Variants in LPIN1 observed in about 807,000 individuals in gnomAD.
The protein encoded by LPIN1 is phosphatidate phosphatase LPIN1.
In LPIN1, 71 loss-of-function variants were observed where a neutral mutation model predicts 107.5. That is an observed-to-expected ratio of 0.66 (90% CI 0.55 to 0.80). The LOEUF (loss-of-function observed/expected upper bound fraction) is 0.80. Among genes scored for constraint, LPIN1 ranks in the 30% least tolerant of loss-of-function variants. LPIN1 has a pLI of 0.00. For missense variants in LPIN1, 1,043 were observed against 1,160.6 expected (o/e 0.90, Z 1.47); for synonymous variants, 445 against 452.6 (o/e 0.98, Z 0.21).
At chr2:11,716,568 T>G (rs1663755140) in intron 2 of LPIN1, among the ~76,000 whole-genome samples, 1 of 151,672 alleles carries the variant, frequency 6.6e-6, no homozygotes, top group South Asian at 2.1e-4. Context: ...CCTTCTGGAG[T>G]TCACCAAGCA....
At chr2:11,738,963 A>G (rs1446912828) in intron 1 of LPIN1, among the ~76,000 whole-genome samples, 1 of 152,326 alleles carries the variant, frequency 6.6e-6, no homozygotes, top group South Asian at 2.1e-4. Context: ...TTAGAAATAG[A>G]TCCCTAAATT....
At chr2:11,754,123 C>G (rs1188061648) in intron 1 of LPIN1, among the ~76,000 whole-genome samples, 1 of 152,092 alleles carries the variant, frequency 6.6e-6, no homozygotes, top group Non-Finnish European at 1.5e-5. Context: ...CAGGGGTGGT[C>G]ATTTAGTTGT....
chr2:11,706,941 G>A (rs931579018), intron 1 of LPIN1, among the ~76,000 whole-genome samples: 5 of 152,056 alleles, frequency 3.3e-5, no homozygotes, highest in African/African-American at 1.2e-4. Context: ...AATATCAAAA[G>A]GGCCAAAAAG....
chr2:11,717,446 GC>G (rs1370171839), intron 2 of LPIN1, among the ~76,000 whole-genome samples: 1 of 151,914 alleles, frequency 6.6e-6, no homozygotes, highest in Middle Eastern at 3.2e-3. Flanking sequence ...GGTTATATTT[GC>G]CTCTCTTTTT....
At chr2:11,804,749 A>C (rs1230906414) in intron 16 of LPIN1, among the ~76,000 whole-genome samples, 178 bp downstream of exon 16, 2 of 152,034 alleles carry the variant, frequency 1.3e-5, no homozygotes, top group African/African-American at 4.8e-5. Flanking sequence ...TTTAGGGCTT[A>C]GTTGTTTCCT....
intron 18 of LPIN1, 49 bp from the exon 19 acceptor site, chr2:11,819,435 A>G: frequency 8.3e-7 from 1 of 1,206,300 alleles, no homozygotes; most frequent in East Asian, 2.3e-5. Context: ...GTTTGATGCT[A>G]AAGGAAGCTT....
chr2:11,788,013 T>C (rs1184667945), intron 11 of LPIN1, among the ~76,000 whole-genome samples: 1 of 152,150 alleles, frequency 6.6e-6, no homozygotes, highest in African/African-American at 2.4e-5. Context: ...TTGCAGACTG[T>C]TAGCAAGCTT....
At chr2:11,717,734 A>AT (rs1663849440) in intron 2 of LPIN1, among the ~76,000 whole-genome samples, 1 of 151,866 alleles carries the variant, frequency 6.6e-6, no homozygotes, top group Admixed American at 6.6e-5. Context: ...ATAATAACTC[A>AT]TTTATTCCTC....
intron 1 of LPIN1, among the ~76,000 whole-genome samples, chr2:11,689,081 G>A (rs11681590): frequency 0.27 from 41,421 of 152,142 alleles, 6,272 homozygotes; most frequent in Middle Eastern, 0.37. Context: ...TGGATAATTC[G>A]AAGTGCTTCG....
chr2:11,782,527 C>T lies in LPIN1; in HGVS notation c.1264+20C>T. The stretch of plus-strand genomic sequence containing the variant: ...AAAGAGGTACCAAGGCTGGGGCTTC[C>T]CGGCTCTTTTTCTGTTCATAGTTTG... On this transcript the variant is annotated intron_variant, in intron 8 of 20. Coordinates refer to ENST00000674199, the MANE Select transcript of LPIN1 (RefSeq NM_001349206.2). 6.2e-7 allele frequency: 1 copy of T among 1,613,294 alleles called. No homozygotes were observed.
chr2:11,725,049 C>T lies in LPIN1; in HGVS notation c.-72+510C>T, dbSNP rs1271480207. 2.6e-5 allele frequency among the ~76,000 whole-genome samples: 4 copies of T among 152,272 alleles called. No homozygotes were observed. The East Asian group carries it at 7.7e-4, about 29-fold the overall frequency. The stretch of plus-strand genomic sequence containing the variant: ...GGCCGAGGCGGGCGGATCACAAGGT[C>T]AGGAGATCGAGACCATCCCGGCTAA... On this transcript the variant is annotated intron_variant, in intron 1 of 21. Coordinates refer to the LPIN1 transcript ENST00000396097.
intron 2 of LPIN1, among the ~76,000 whole-genome samples, chr2:11,715,782 G>T (rs1178463069): frequency 6.6e-6 from 1 of 152,158 alleles, no homozygotes; most frequent in East Asian, 1.9e-4. Context: ...GAGATTTGGG[G>T]GATGTGATTG....
chr2:11,746,426 G>A (rs1666916478), upstream of LPIN1, among the ~76,000 whole-genome samples: 1 of 152,168 alleles, frequency 6.6e-6, no homozygotes, highest in African/African-American at 2.4e-5. Context: ...CAGAAAGGCG[G>A]CCTAAGGGGC....
At chr2:11,718,491 A>G (rs1663901801) in intron 2 of LPIN1, among the ~76,000 whole-genome samples, 4 of 152,142 alleles carry the variant, frequency 2.6e-5, no homozygotes, top group Admixed American at 2.0e-4. Flanking sequence ...TCTGCCTCCC[A>G]AAGTACTGGG....
intron 1 of LPIN1, chr2:11,764,231 C>G (rs111580452): frequency 0.012 from 1,761 of 152,052 alleles, 21 homozygotes; most frequent in Middle Eastern, 0.044. Context: ...ACTGCAGCCT[C>G]CACCTCCTGG....
intron 13 of LPIN1, among the ~76,000 whole-genome samples, chr2:11,794,427 A>G (rs961756335): frequency 2.0e-5 from 3 of 152,222 alleles, no homozygotes; most frequent in African/African-American, 7.2e-5. Flanking sequence ...CTAAGAAGAA[A>G]TTGCTAATAG....
intron 1 of LPIN1, among the ~76,000 whole-genome samples, chr2:11,706,147 T>C (rs1663117890): frequency 6.6e-6 from 1 of 152,228 alleles, no homozygotes; most frequent in Non-Finnish European, 1.5e-5. Context: ...CATTAAACCC[T>C]TTTCTTTTGT....
chr2:11,807,969 C>G (rs1037498876), intron 17 of LPIN1, among the ~76,000 whole-genome samples: 2 of 152,166 alleles, frequency 1.3e-5, no homozygotes, highest in African/African-American at 4.8e-5. Flanking sequence ...TCTAATCCAG[C>G]GACTCTGTTC....
Position 11,788,406 on chromosome 2 carries a change from G to A in LPIN1, c.1663G>A (p.Ala555Thr), listed in dbSNP as rs761610281. 12 of 1,613,770 alleles carry A rather than the reference G, an allele frequency of 7.4e-6. No individual in the cohort carries two copies. The South Asian group carries it at 1.2e-4, about 16-fold the overall frequency. The change falls in exon 12 of 21, where the codon GCA (alanine) becomes ACA (threonine). Residue 555 changes from alanine to threonine, a missense_variant. Transcript: ENST00000674199. ...IGSKYYNWTTAAPLLLAMQAF... is the reference protein window; with the variant it reads ...IGSKYYNWTTTAPLLLAMQAF... The stretch of plus-strand genomic sequence containing the variant: ...TGTTAGATATTATAACTGGACAACA[G>A]CAGCACCCCTCCTCCTGGCAATGCA...
Sources: gnomAD v4.1 joint callset for allele counts (sites outside exome capture counted in the v4.1 genomes callset) on GRCh38, gnomAD v4.1.1 for gene constraint, MANE v1.5 for transcripts, NCBI Gene and HGNC (gene_info 2026-07-23, HGNC 2026-07-21) for gene names.